The following GSTCD variants were observed in gnomAD, a reference collection of about 807,000 sequenced individuals.
GSTCD encodes glutathione S-transferase C-terminal domain-containing protein.
Under a neutral mutation model 68.3 loss-of-function variants are expected in GSTCD, and 44 were observed. The observed-to-expected ratio is 0.64, with a 90% CI of 0.51 to 0.83. The LOEUF (loss-of-function observed/expected upper bound fraction) is 0.83. Among genes scored for constraint, GSTCD ranks in the 40% least tolerant of loss-of-function variants. The probability of loss-of-function intolerance (pLI) is 0.00; values close to 1 mark genes in which losing one functional copy is unlikely to be tolerated. For synonymous variants in GSTCD, 273 were observed against 255.2 expected (o/e 1.07, Z -0.67); for missense variants, 739 against 735.9 (o/e 1.00, Z -0.05).
chr4:105,731,688 TTC>T (rs1733246145), intron 5 of GSTCD, among the ~76,000 whole-genome samples: 2 of 150,674 alleles, frequency 1.3e-5, no homozygotes, highest in Admixed American at 6.6e-5. Flanking sequence ...GACAATTTCT[TTC>T]TCCTGCCTGA....
In GSTCD at chr4:105,823,067, G is replaced by T. The variant is rs1279057715; in HGVS notation, c.1354G>T (p.Gly452Trp). 6.2e-7 allele frequency: 1 copy of T among 1,611,194 alleles called. No individual in the cohort carries two copies. Among genetic ancestry groups the T allele is most frequent in the Non-Finnish European group, 8.5e-7 (1 of 1,177,488 alleles). The change falls in exon 6 of 12, where the codon GGG (glycine) becomes TGG (tryptophan). Residue 452 changes from glycine (G) to tryptophan (W), a missense_variant and splice_region_variant. Gly to Trp is a radical substitution (Grantham distance 184). Coordinates refer to ENST00000515279, the MANE Select transcript of GSTCD (RefSeq NM_001370181.1). Reference protein sequence around the residue: ...GDRIVDFCSGGGHVGIVLAHM... With the variant: ...GDRIVDFCSGWGHVGIVLAHM... ...CAGAATTGTGGATTTCTGCAGCGGT[G>T]GGGTATTTTATCTCTCCTTTCATCC...
intron 5 of GSTCD, among the ~76,000 whole-genome samples, chr4:105,749,414 C>A (rs1433919002): frequency 3.3e-5 from 5 of 151,394 alleles, no homozygotes; most frequent in African/African-American, 1.2e-4. Flanking sequence ...TGAAAAAGAG[C>A]AACAGAATCA....
At chr4:105,822,921 T>A (rs201519297) in intron 5 of GSTCD, 33 bp from the exon 6 acceptor site, 1 of 1,484,832 alleles carries the variant, frequency 6.7e-7, no homozygotes, top group Admixed American at 1.7e-5. Context: ...AAATATATAA[T>A]GTTTTGTGTT....
intron 5 of GSTCD, 84 bp from the exon 6 acceptor site, chr4:105,822,870 A>G: frequency 1.1e-6 from 1 of 885,128 alleles, no homozygotes; most frequent in Non-Finnish European, 1.9e-6. Context: ...CTCCTCCTCT[A>G]TGCTGGTAGT....
intron 5 of GSTCD, among the ~76,000 whole-genome samples, chr4:105,773,994 C>T (rs1734956050): frequency 6.6e-6 from 1 of 152,136 alleles, no homozygotes; most frequent in Non-Finnish European, 1.5e-5. Flanking sequence ...GAGTCTCAGT[C>T]TCTTTGTAGG....
chr4:105,717,770 A>G lies in GSTCD; in HGVS notation c.157A>G (p.Thr53Ala). The G allele has an allele frequency of 8.7e-6, 14 of 1,613,958 alleles. No homozygotes were observed. The highest frequency in any genetic ancestry group is 1.2e-5 in the Non-Finnish European group (14 of 1,179,878). ...CKIFKICLVV[T>A]KEVSRDSSLL... ...AATCTTTAAAATTTGCTTAGTTGTC[A>G]CCAAAGAGGTGAGTAGAGATAGTTC... is the stretch of plus-strand genomic sequence containing the variant. Residue 53 changes from threonine to alanine, a missense_variant, in exon 2 of 12, where the codon ACC becomes GCC. Thr to Ala is a moderately conservative substitution (Grantham distance 58). Coordinates refer to ENST00000515279, the MANE Select transcript of GSTCD (RefSeq NM_001370181.1).
At chr4:105,756,908 A>G (rs1734219071) in intron 5 of GSTCD, among the ~76,000 whole-genome samples, 1 of 152,200 alleles carries the variant, frequency 6.6e-6, no homozygotes, top group Non-Finnish European at 1.5e-5. Flanking sequence ...CTAGATCTAC[A>G]TGCATTATAG....
chr4:105,774,505 T>G (rs902113837), intron 5 of GSTCD, among the ~76,000 whole-genome samples: 8 of 152,228 alleles, frequency 5.3e-5, no homozygotes, highest in Non-Finnish European at 2.9e-5. Flanking sequence ...TTCCTTTCCA[T>G]ATTTAGTGCT....
chr4:105,794,626 G>GT (rs922851188), intron 5 of GSTCD, among the ~76,000 whole-genome samples: 132 of 146,768 alleles, frequency 9.0e-4, no homozygotes, highest in African/African-American at 1.2e-3. Flanking sequence ...TATTTTTGGT[G>GT]TTTTTTTTTT....
chr4:105,829,772 G>C (rs1723820291), intron 8 of GSTCD, among the ~76,000 whole-genome samples: 1 of 152,008 alleles, frequency 6.6e-6, no homozygotes, highest in African/African-American at 2.4e-5. Context: ...ATAATCAAGG[G>C]TCTTAGGGAG....
chr4:105,823,141 T>C (rs763087316), intron 6 of GSTCD, 72 bp downstream of exon 6: 2 of 1,570,894 alleles, frequency 1.3e-6, no homozygotes, highest in Admixed American at 1.7e-5. Context: ...ACATTCAAGG[T>C]CATGTTTTTA....
intron 1 of GSTCD, among the ~76,000 whole-genome samples, chr4:105,711,381 C>G (rs547958434): frequency 6.6e-6 from 1 of 152,264 alleles, no homozygotes; most frequent in South Asian, 2.1e-4. Context: ...GATTCCCTGG[C>G]TTTCAGCCTC....
intron 5 of GSTCD, among the ~76,000 whole-genome samples, chr4:105,818,720 A>G (rs981120514): frequency 5.9e-5 from 9 of 151,786 alleles, no homozygotes; most frequent in Non-Finnish European, 1.0e-4. Context: ...TGTGGTGAGC[A>G]TAGTGCATCA....
intron 5 of GSTCD, among the ~76,000 whole-genome samples, chr4:105,795,773 C>T (rs1309325479): frequency 6.6e-6 from 1 of 152,090 alleles, no homozygotes; most frequent in Non-Finnish European, 1.5e-5. Context: ...TTTAAACATT[C>T]AGTCCTCTGA....
intron 5 of GSTCD, among the ~76,000 whole-genome samples, chr4:105,779,468 A>T (rs1263548985): frequency 6.6e-6 from 1 of 152,192 alleles, no homozygotes; most frequent in Non-Finnish European, 1.5e-5. Context: ...TTGAAAACTT[A>T]TATTTCTCAA....
intron 5 of GSTCD, among the ~76,000 whole-genome samples, chr4:105,774,814 T>C (rs1164971940): frequency 1.3e-5 from 2 of 152,208 alleles, no homozygotes; most frequent in Non-Finnish European, 2.9e-5. Flanking sequence ...TTGGTGAATC[T>C]GATGATTATG....
intron 5 of GSTCD, among the ~76,000 whole-genome samples, chr4:105,817,431 G>T (rs1430624705): frequency 6.6e-6 from 1 of 151,744 alleles, no homozygotes; most frequent in Non-Finnish European, 1.5e-5. Context: ...GAGTAAAAAT[G>T]CCATCACACT....
chr4:105,722,280 G>T (rs970764411), intron 3 of GSTCD, among the ~76,000 whole-genome samples: 1 of 151,732 alleles, frequency 6.6e-6, no homozygotes, highest in East Asian at 1.9e-4. Context: ...TGTTCCCATC[G>T]GCATAAAGTT....
intron 5 of GSTCD, among the ~76,000 whole-genome samples, chr4:105,769,228 C>CGT (rs1734737018): frequency 1.9e-5 from 1 of 53,998 alleles, no homozygotes; most frequent in Non-Finnish European, 3.3e-5. Context: ...ATACTATACA[C>CGT]GCGCGCACAC....
Sources: gnomAD v4.1 joint callset for allele counts (sites outside exome capture counted in the v4.1 genomes callset) on GRCh38, gnomAD v4.1.1 for gene constraint, MANE v1.5 for transcripts, NCBI Gene and HGNC (gene_info 2026-07-23, HGNC 2026-07-21) for gene names.